The following IKBIP variants were observed in gnomAD, a reference collection of about 807,000 sequenced individuals.
The protein encoded by IKBIP is IKBKB interacting protein.
Under a neutral mutation model 31.0 loss-of-function variants are expected in IKBIP, and 28 were observed. That is an observed-to-expected ratio of 0.90 (90% CI 0.67 to 1.24). IKBIP has a LOEUF of 1.24. Ranked by LOEUF, IKBIP falls within the 50% of genes most tolerant of loss-of-function variation. IKBIP has a pLI of 0.00. For synonymous variants in IKBIP, 164 were observed against 160.3 expected (o/e 1.02, Z -0.17); for missense variants, 453 against 441.9 (o/e 1.03, Z -0.23).
intron 1 of IKBIP, among the ~76,000 whole-genome samples, chr12:98,639,272 G>A (rs77914039): frequency 0.02 from 3,019 of 152,276 alleles, 51 homozygotes; most frequent in Middle Eastern, 0.034. Context: ...GATTGCATAA[G>A]GGAAGCAGGG....
intron 1 of IKBIP, 120 bp from the exon 2 acceptor site, chr12:98,634,533 G>T: frequency 4.2e-5 from 19 of 453,296 alleles, no homozygotes; most frequent in East Asian, 1.7e-4. Flanking sequence ...GGTAGCTGTA[G>T]GTTTTTTTTT....
chr12:98,632,379 T>G (rs1212251988), intron 2 of IKBIP, among the ~76,000 whole-genome samples: 1 of 142,776 alleles, frequency 7.0e-6, no homozygotes, highest in Admixed American at 7.3e-5. Flanking sequence ...GGAGGCTGAG[T>G]TGGGAGGAGT....
At position 98,624,831 on chromosome 12, in the gene IKBIP, G is replaced by T. The variant is rs577014613; in HGVS notation, c.*1099C>A. On this transcript the variant is annotated 3_prime_UTR_variant, in exon 3 of 3. Transcript: ENST00000299157. ...TTATTTATTTATTTATTGAGACAGA[G>T]TCTCACTTTGCCACTCAGGCTGGAG... The T allele has an allele frequency of 5.7e-3, 4,322 of 760,826 alleles. 17 individuals carry two copies. Among genetic ancestry groups the T allele is most frequent in the Non-Finnish European group, 6.4e-3 (4,030 of 625,370 alleles). 47.1% of individuals were successfully genotyped at this position (760,826 alleles called of 1,614,324 possible).
At chr12:98,644,405 C>A (rs1046478360) in intron 1 of IKBIP, 118 bp downstream of exon 1, 4 of 965,164 alleles carry the variant, frequency 4.1e-6, no homozygotes, top group East Asian at 2.8e-5. Context: ...AAGACAGAGG[C>A]ACAGAAGGCC....
chr12:98,616,156 A>G (rs1169613184), intron 2 of IKBIP, among the ~76,000 whole-genome samples: 1 of 151,586 alleles, frequency 6.6e-6, no homozygotes, highest in East Asian at 1.9e-4. Flanking sequence ...AACACTTGTT[A>G]TCTTTTGTCT....
At chr12:98,641,086 A>C (rs762749083) in intron 1 of IKBIP, among the ~76,000 whole-genome samples, 1 of 152,184 alleles carries the variant, frequency 6.6e-6, no homozygotes, top group African/African-American at 2.4e-5. Flanking sequence ...TAGCAGAGAG[A>C]AGATATTAAA....
intron 1 of IKBIP, among the ~76,000 whole-genome samples, chr12:98,641,576 G>T (rs960265119): frequency 6.6e-6 from 1 of 152,068 alleles, no homozygotes; most frequent in Non-Finnish European, 1.5e-5. Context: ...TTCAATTTTT[G>T]CAGCAAAAGA....
At chr12:98,626,884 A>AGG (rs2097615024) in intron 2 of IKBIP, 118 bp from the exon 3 acceptor site, 1 of 715,780 alleles carries the variant, frequency 1.4e-6, no homozygotes, top group Non-Finnish European at 2.3e-6. Context: ...AGATGTCTAA[A>AGG]ATATCCAAGT....
chr12:98,621,787 G>C (rs191703732), downstream of IKBIP, among the ~76,000 whole-genome samples: 1 of 151,870 alleles, frequency 6.6e-6, no homozygotes, highest in Non-Finnish European at 1.5e-5. Context: ...TTATGATGAC[G>C]ATAATGAAGG....
At chr12:98,633,697 C>A (rs10732662) in intron 2 of IKBIP, among the ~76,000 whole-genome samples, 1 of 151,508 alleles carries the variant, frequency 6.6e-6, no homozygotes, top group Non-Finnish European at 1.5e-5. Context: ...TGTATTTTTA[C>A]TAGAGATGGG....
At chr12:98,637,023 A>C (rs1431396281) in intron 1 of IKBIP, among the ~76,000 whole-genome samples, 4 of 152,198 alleles carry the variant, frequency 2.6e-5, no homozygotes, top group Admixed American at 1.3e-4. Flanking sequence ...GTTTATTCAG[A>C]ATGAAATCAT....
intron 1 of IKBIP, among the ~76,000 whole-genome samples, chr12:98,641,200 G>C (rs2097630100): frequency 6.6e-6 from 1 of 152,130 alleles, no homozygotes; most frequent in Non-Finnish European, 1.5e-5. Context: ...TCCTTCTTGG[G>C]CAGTGGAAGG....
chr12:98,615,542 T>C (rs2097605819), intron 2 of IKBIP, among the ~76,000 whole-genome samples: 1 of 152,188 alleles, frequency 6.6e-6, no homozygotes, highest in Non-Finnish European at 1.5e-5. Context: ...TTAGCAATTT[T>C]CAAGTATATA....
rs1188696623 is a variant in IKBIP at position 98,631,666 on chromosome 12, G to A, written c.297+2630C>T. On this transcript the variant is annotated intron_variant, in intron 2 of 2. Coordinates refer to ENST00000299157, the MANE Select transcript of IKBIP (RefSeq NM_153687.4). ...TACACACCTGTAGTCCCAGCTACTC[G>A]GGAGGCTGAGGCAGGAGAATCACTT... is the stretch of plus-strand genomic sequence containing the variant. Among the ~76,000 whole-genome samples the A allele has an allele frequency of 5.4e-5, 8 of 148,148 alleles. 1 individual carries two copies. Among genetic ancestry groups the A allele is most frequent in the Middle Eastern group, 3.5e-3 (1 of 288 alleles).
intron 1 of IKBIP, among the ~76,000 whole-genome samples, chr12:98,638,595 T>G (rs960468380): frequency 6.7e-6 from 1 of 150,192 alleles, no homozygotes; most frequent in South Asian, 2.1e-4. Flanking sequence ...AGGGTTGTAG[T>G]TTGTTTTTCG....
At chr12:98,618,974 C>T (rs1192552795) in intron 2 of IKBIP, among the ~76,000 whole-genome samples, 1 of 152,008 alleles carries the variant, frequency 6.6e-6, no homozygotes, top group Non-Finnish European at 1.5e-5. Context: ...AAGTAGCAAC[C>T]CCCCCACTTC....
chr12:98,642,909 A>G (rs1397801323), intron 1 of IKBIP, among the ~76,000 whole-genome samples: 2 of 149,058 alleles, frequency 1.3e-5, no homozygotes, highest in African/African-American at 2.5e-5. Flanking sequence ...TGACAATTCT[A>G]TTGTTTTTGA....
intron 2 of IKBIP, among the ~76,000 whole-genome samples, chr12:98,614,728 G>A (rs2097605323): frequency 6.6e-6 from 1 of 152,140 alleles, no homozygotes; most frequent in African/African-American, 2.4e-5. Flanking sequence ...ACCACGCCCT[G>A]CCTTATGTTA....
rs767764417 is a variant in IKBIP, at chr12:98,624,873, C to T, written c.*1057G>A. 5.1e-5 allele frequency: 23 copies of T among 450,208 alleles called. No homozygotes were observed. Among genetic ancestry groups the T allele is most frequent in the African/African-American group, 2.1e-4 (10 of 46,998 alleles). The allele number at this position is 450,208 out of a possible 1,614,324, so 27.9% of individuals were successfully genotyped here. ...AGGCTGGAGTGCAGTGGCGCGATCTCGGCTCACTGCAAGCTCTGCCTCCCG... is the reference window on the plus strand; with the variant it reads ...AGGCTGGAGTGCAGTGGCGCGATCTTGGCTCACTGCAAGCTCTGCCTCCCG... On this transcript the variant is annotated 3_prime_UTR_variant, in exon 3 of 3. Coordinates refer to ENST00000299157, the MANE Select transcript of IKBIP (RefSeq NM_153687.4).
Sources: gnomAD v4.1 joint callset for allele counts (sites outside exome capture counted in the v4.1 genomes callset) on GRCh38, gnomAD v4.1.1 for gene constraint, MANE v1.5 for transcripts, NCBI Gene and HGNC (gene_info 2026-07-23, HGNC 2026-07-21) for gene names.